Variants in EPHA6 observed in about 807,000 individuals in gnomAD.
EPHA6 encodes EPH receptor A6, also known as ephrin type-A receptor 6.
In EPHA6, 50 loss-of-function variants were observed where a neutral mutation model predicts 112.0. The ratio of observed to expected loss-of-function variants is 0.45; its 90% CI spans 0.36 to 0.56. The LOEUF is 0.56. EPHA6 is among the 20% of genes least tolerant of loss of function. The pLI, the probability that EPHA6 is intolerant of heterozygous loss-of-function variation, is 0.00. For missense variants in EPHA6, 1,280 were observed against 1,417.4 expected (o/e 0.90, Z 1.56); for synonymous variants, 529 against 490.7 (o/e 1.08, Z -1.03).
chr3:97,725,656 T>C (rs1476792774), intron 15 of EPHA6, among the ~76,000 whole-genome samples: 2 of 152,106 alleles, frequency 1.3e-5, no homozygotes, highest in Non-Finnish European at 2.9e-5. Context: ...TTAGCACTAT[T>C]GACATTTGGG....
intron 2 of EPHA6, among the ~76,000 whole-genome samples, chr3:96,888,528 C>A (rs1037594832): frequency 6.6e-6 from 1 of 152,162 alleles, no homozygotes; most frequent in Non-Finnish European, 1.5e-5. Context: ...AGGCTCAACA[C>A]CACGTGGAAG....
At chr3:97,597,820 C>A (rs1325218568) in intron 12 of EPHA6, among the ~76,000 whole-genome samples, 3 of 151,984 alleles carry the variant, frequency 2.0e-5, no homozygotes, top group African/African-American at 7.3e-5. Context: ...TGTAAGTAAG[C>A]CAGGAATGAT....
chr3:97,475,590 C>T, intron 8 of EPHA6, 130 bp downstream of exon 8: 1 of 591,000 alleles, frequency 1.7e-6, no homozygotes, highest in Non-Finnish European at 2.9e-6. Context: ...AGAATCCACT[C>T]TGACAGTGAA....
At chr3:96,873,613 A>C (rs1390722002) in intron 2 of EPHA6, among the ~76,000 whole-genome samples, 1 of 152,052 alleles carries the variant, frequency 6.6e-6, no homozygotes, top group Non-Finnish European at 1.5e-5. Context: ...AATTGGCTTT[A>C]TTTTCTTCAT....
intron 14 of EPHA6, among the ~76,000 whole-genome samples, chr3:97,710,615 T>C (rs1446291992): frequency 6.6e-6 from 1 of 152,212 alleles, no homozygotes; most frequent in Non-Finnish European, 1.5e-5. Context: ...TCATAGAATA[T>C]TAGACCTTCA....
chr3:96,895,918 C>A (rs754204876), intron 2 of EPHA6, among the ~76,000 whole-genome samples: 15 of 152,148 alleles, frequency 9.9e-5, no homozygotes, highest in Non-Finnish European at 1.6e-4. Context: ...ATGATCTTAT[C>A]TTACAGTAAG....
intron 3 of EPHA6, among the ~76,000 whole-genome samples, chr3:97,009,568 T>G (rs2253133): frequency 0.16 from 23,931 of 152,170 alleles, 3,088 homozygotes; most frequent in African/African-American, 0.35. Flanking sequence ...GCTGGTTGCT[T>G]CCTCTCTGCC....
chr3:97,200,508 A>G (rs1433890832), intron 3 of EPHA6, among the ~76,000 whole-genome samples: 1 of 152,070 alleles, frequency 6.6e-6, no homozygotes, highest in Non-Finnish European at 1.5e-5. Context: ...TAAATTATAT[A>G]TTTCTGTCCT....
At chr3:97,654,307 A>G (rs1383295859) in intron 14 of EPHA6, among the ~76,000 whole-genome samples, 1 of 151,920 alleles carries the variant, frequency 6.6e-6, no homozygotes, top group Non-Finnish European at 1.5e-5. Context: ...AGAAAACATT[A>G]AATAATCATG....
intron 11 of EPHA6, among the ~76,000 whole-genome samples, chr3:97,548,311 G>C (rs947407577): frequency 6.6e-6 from 1 of 152,172 alleles, no homozygotes; most frequent in Admixed American, 6.5e-5. Flanking sequence ...GTATCAGGGG[G>C]CACATGATGC....
At chr3:96,984,754 G>A (rs2042953296) in intron 2 of EPHA6, among the ~76,000 whole-genome samples, 1 of 152,160 alleles carries the variant, frequency 6.6e-6, no homozygotes, top group Non-Finnish European at 1.5e-5. Context: ...CAGCAATGGT[G>A]GGCGTCCCTC....
At chr3:97,389,210 T>C (rs1420266637) in intron 5 of EPHA6, among the ~76,000 whole-genome samples, 1 of 152,182 alleles carries the variant, frequency 6.6e-6, no homozygotes, top group Non-Finnish European at 1.5e-5. Flanking sequence ...AATGATATAA[T>C]TCTAAAATTA....
intron 10 of EPHA6, among the ~76,000 whole-genome samples, chr3:97,519,077 G>T (rs1465952993): frequency 1.3e-5 from 2 of 152,002 alleles, no homozygotes; most frequent in African/African-American, 4.8e-5. Flanking sequence ...GCATAGCCCG[G>T]GATCCTGAAG....
chr3:97,117,999 A>G (rs1456446150), intron 3 of EPHA6, among the ~76,000 whole-genome samples: 2 of 151,794 alleles, frequency 1.3e-5, no homozygotes, highest in East Asian at 1.9e-4. Flanking sequence ...AAAATCATCC[A>G]CTGAAAAGAG....
At chr3:96,817,558 AT>A (rs539964816) in intron 1 of EPHA6, among the ~76,000 whole-genome samples, 260 of 152,060 alleles carry the variant, frequency 1.7e-3, no homozygotes, top group Middle Eastern at 0.01. Context: ...TTGTCCAATA[AT>A]TTTCACTTTA....
chr3:97,628,607 C>G lies in EPHA6; in HGVS notation c.2575-9266C>G, dbSNP rs558414138. Reference sequence around the variant, plus strand: ...GAATATGACTATTGAAATAACATATCTAAGTGCATATCAGCATTTCAACAG... The same window carrying G: ...GAATATGACTATTGAAATAACATATGTAAGTGCATATCAGCATTTCAACAG... On this transcript the variant is annotated intron_variant, in intron 13 of 17. Coordinates refer to ENST00000389672, the MANE Select transcript of EPHA6 (RefSeq NM_001080448.3). Among the ~76,000 whole-genome samples the G allele has an allele frequency of 3.9e-5, 6 of 152,078 alleles. No homozygotes were observed. The East Asian group carries it at 7.8e-4, about 20-fold the overall frequency.
chr3:97,400,930 T>C (rs1385484099), intron 5 of EPHA6, among the ~76,000 whole-genome samples: 2 of 151,798 alleles, frequency 1.3e-5, no homozygotes, highest in Non-Finnish European at 1.5e-5. Context: ...TTAATTGTTC[T>C]GGCTAGGAAT....
At chr3:97,302,184 G>A (rs1254337346) in intron 5 of EPHA6, among the ~76,000 whole-genome samples, 1 of 151,818 alleles carries the variant, frequency 6.6e-6, no homozygotes, top group Non-Finnish European at 1.5e-5. Context: ...TCAGAATAAG[G>A]GCTATTGATA....
intron 1 of EPHA6, among the ~76,000 whole-genome samples, chr3:96,828,985 A>G (rs1464797062): frequency 1.3e-5 from 2 of 152,152 alleles, no homozygotes; most frequent in African/African-American, 4.8e-5. Context: ...TGGGGTGCCT[A>G]GGGTCAGGAA....
Sources: allele counts gnomAD v4.1 joint callset (sites outside exome capture counted in the v4.1 genomes callset), GRCh38; gene constraint gnomAD v4.1.1; transcripts MANE v1.5; gene names NCBI Gene and HGNC (gene_info 2026-07-23, HGNC 2026-07-21).